IQCJ: variants seen among roughly 807,000 people sequenced by gnomAD.
IQCJ encodes the protein IQ domain-containing protein J.
In IQCJ, 9 loss-of-function variants were observed where a neutral mutation model predicts 11.0. The observed-to-expected ratio is 0.82, with a 90% CI of 0.49 to 1.43. IQCJ has a LOEUF of 1.43. IQCJ is among the 40% of genes most tolerant of loss of function. IQCJ has a pLI of 0.00. For missense variants in IQCJ, 146 were observed against 133.2 expected (o/e 1.10, Z -0.47); for synonymous variants, 55 against 51.3 (o/e 1.07, Z -0.31).
chr3:159,242,241 G>A (rs1482566227), intron 1 of IQCJ, among the ~76,000 whole-genome samples: 1 of 152,110 alleles, frequency 6.6e-6, no homozygotes, highest in African/African-American at 2.4e-5. Flanking sequence ...GATGAGTTTG[G>A]ATTTCATTCC....
intron 1 of IQCJ, among the ~76,000 whole-genome samples, chr3:159,107,031 G>C (rs191791578): frequency 4.6e-5 from 7 of 152,218 alleles, no homozygotes; most frequent in Admixed American, 3.9e-4. Flanking sequence ...TGCAAATTAT[G>C]ACCCCTACTT....
chr3:159,072,482 T>TA (rs746560168), intron 1 of IQCJ, among the ~76,000 whole-genome samples: 1 of 151,874 alleles, frequency 6.6e-6, no homozygotes, highest in Non-Finnish European at 1.5e-5. Flanking sequence ...AAATCAAATT[T>TA]AAAAAAAATT....
chr3:159,074,207 C>A (rs552094255), intron 1 of IQCJ, among the ~76,000 whole-genome samples: 1 of 152,098 alleles, frequency 6.6e-6, no homozygotes, highest in Admixed American at 6.6e-5. Context: ...GGAGGCTCCA[C>A]TGAATGGAGA....
chr3:159,193,438 G>A (rs1000489729), intron 1 of IQCJ, among the ~76,000 whole-genome samples: 3 of 152,136 alleles, frequency 2.0e-5, no homozygotes, highest in Non-Finnish European at 2.9e-5. Flanking sequence ...TATGTGATAG[G>A]AGCAGTGGTC....
chr3:159,226,955 T>G (rs1725893856), intron 1 of IQCJ, among the ~76,000 whole-genome samples: 1 of 152,214 alleles, frequency 6.6e-6, no homozygotes, highest in Admixed American at 6.5e-5. Flanking sequence ...CTAAATTTGC[T>G]TTTGTTTGTG....
intron 1 of IQCJ, among the ~76,000 whole-genome samples, chr3:159,187,872 C>T (rs907538387): frequency 7.2e-5 from 11 of 152,120 alleles, no homozygotes; most frequent in Non-Finnish European, 1.5e-4. Flanking sequence ...CCTGGAATCC[C>T]GCTGCTCTGA....
chr3:159,181,845 A>G (rs962336323), intron 1 of IQCJ, among the ~76,000 whole-genome samples: 2 of 151,574 alleles, frequency 1.3e-5, no homozygotes, highest in African/African-American at 2.4e-5. Context: ...CACCATCTCC[A>G]AACTGATGTT....
chr3:159,184,044 CCTTA>C (rs1442670384), intron 1 of IQCJ, among the ~76,000 whole-genome samples: 4 of 151,646 alleles, frequency 2.6e-5, no homozygotes, highest in African/African-American at 9.7e-5. Context: ...CCTTTCCCAC[CCTTA>C]CTTAAAATAC....
chr3:159,260,956 G>C (rs1728169108), intron 3 of IQCJ, among the ~76,000 whole-genome samples: 1 of 152,158 alleles, frequency 6.6e-6, no homozygotes, highest in South Asian at 2.1e-4. Context: ...ATTGGCTACT[G>C]ACCCAAAAGT....
At chr3:159,246,544 G>T (rs976004239) in intron 2 of IQCJ, among the ~76,000 whole-genome samples, 1 of 152,180 alleles carries the variant, frequency 6.6e-6, no homozygotes, top group Non-Finnish European at 1.5e-5. Flanking sequence ...GGGTTTGGTT[G>T]CCTCGAGAAT....
At chr3:159,118,408 CGACCAT>C (rs752595304) in intron 1 of IQCJ, among the ~76,000 whole-genome samples, 3 of 152,180 alleles carry the variant, frequency 2.0e-5, no homozygotes, top group Non-Finnish European at 4.4e-5. Flanking sequence ...ATGGCAAAAA[CGACCAT>C]GACCCCAATC....
chr3:159,083,932 C>T (rs377033429), intron 1 of IQCJ, among the ~76,000 whole-genome samples: 15 of 152,020 alleles, frequency 9.9e-5, no homozygotes, highest in African/African-American at 2.9e-4. Flanking sequence ...GCGGGTGGGC[C>T]GTAAAAGGGT....
chr3:159,094,361 C>T (rs1229253730), intron 1 of IQCJ, among the ~76,000 whole-genome samples: 1 of 150,044 alleles, frequency 6.7e-6, no homozygotes, highest in Non-Finnish European at 1.5e-5. Context: ...TTCAGAGGCA[C>T]CTCAGTGGTC....
intron 3 of IQCJ, among the ~76,000 whole-genome samples, chr3:159,258,475 T>C (rs1728022494): frequency 6.6e-6 from 1 of 152,062 alleles, no homozygotes; most frequent in African/African-American, 2.4e-5. Flanking sequence ...GAAATTAATA[T>C]TGGGCACGCA....
chr3:159,208,551 A>G (rs1724783040), intron 1 of IQCJ, among the ~76,000 whole-genome samples: 1 of 152,182 alleles, frequency 6.6e-6, no homozygotes, highest in Admixed American at 6.5e-5. Context: ...CTCATCCAGG[A>G]TTCTTAAATA....
At chr3:159,198,249 A>G (rs1387937591) in intron 1 of IQCJ, among the ~76,000 whole-genome samples, 1 of 152,168 alleles carries the variant, frequency 6.6e-6, no homozygotes, top group Non-Finnish European at 1.5e-5. Context: ...TTTTTTCTGT[A>G]CCACCATTTC....
intron 3 of IQCJ, among the ~76,000 whole-genome samples, chr3:159,258,012 A>C (rs547290723): frequency 3.9e-5 from 6 of 152,310 alleles, no homozygotes; most frequent in African/African-American, 1.4e-4. Flanking sequence ...TATAGATGTA[A>C]AAAAGATCAT....
chr3:159,183,859 C>T (rs1254288720), intron 1 of IQCJ, among the ~76,000 whole-genome samples: 2 of 152,028 alleles, frequency 1.3e-5, no homozygotes, highest in Non-Finnish European at 2.9e-5. Flanking sequence ...CATTAGCTCT[C>T]CTTCCAAAAT....
intron 1 of IQCJ, among the ~76,000 whole-genome samples, chr3:159,205,834 A>G (rs1403063245): frequency 6.6e-6 from 1 of 152,180 alleles, no homozygotes; most frequent in Non-Finnish European, 1.5e-5. Context: ...TTCTGCTTCC[A>G]AATTATAAAA....
Sources: gnomAD v4.1 joint callset for allele counts (sites outside exome capture counted in the v4.1 genomes callset) on GRCh38, gnomAD v4.1.1 for gene constraint, MANE v1.5 for transcripts, NCBI Gene and HGNC (gene_info 2026-07-23, HGNC 2026-07-21) for gene names.